MAP2: variants seen among roughly 807,000 people sequenced by gnomAD.
The protein encoded by MAP2 is microtubule-associated protein 2.
In MAP2, 14 loss-of-function variants were observed where a neutral mutation model predicts 137.6. The ratio of observed to expected loss-of-function variants is 0.10; its 90% CI spans 0.07 to 0.16. MAP2 has a LOEUF of 0.16. Ranked by LOEUF, MAP2 falls within the 10% of genes least tolerant of loss-of-function variation. The pLI is 1.00. For missense variants in MAP2, 2,088 were observed against 2,191.5 expected (o/e 0.95, Z 0.94); for synonymous variants, 786 against 782.3 (o/e 1.00, Z -0.08).
At chr2:209,433,584 AT>A (rs1011409971) in intron 1 of MAP2, among the ~76,000 whole-genome samples, 1 of 152,136 alleles carries the variant, frequency 6.6e-6, no homozygotes, top group Non-Finnish European at 1.5e-5. Context: ...TTAGAATCTC[AT>A]AAAAGCTTTC....
rs13385987 is a variant in MAP2 at position 209,448,419 on chromosome 2, A to G, written c.-222+24143A>G. 4.6e-3 allele frequency among the ~76,000 whole-genome samples: 705 copies of G among 152,206 alleles called. 3 individuals are homozygous for G. Among genetic ancestry groups the G allele is most frequent in the African/African-American group, 0.016 (667 of 41,530 alleles). On this transcript the variant is annotated intron_variant, in intron 1 of 15. Coordinates refer to ENST00000682079, the MANE Select transcript of MAP2 (RefSeq NM_001375505.1). ...TTCCCAAGGATTAACAGAACAACATACCTGGACTACATACTAGGACTAAAG... is the reference window on the plus strand; with the variant it reads ...TTCCCAAGGATTAACAGAACAACATGCCTGGACTACATACTAGGACTAAAG...
At chr2:209,702,133 A>T (rs1220099832) in intron 11 of MAP2, among the ~76,000 whole-genome samples, 14 of 151,992 alleles carry the variant, frequency 9.2e-5, no homozygotes, top group Non-Finnish European at 2.1e-4. Flanking sequence ...AATAAGTCTG[A>T]CCTTTCCTCC....
At chr2:209,487,310 A>G (rs1424463439) in intron 1 of MAP2, among the ~76,000 whole-genome samples, 4 of 152,212 alleles carry the variant, frequency 2.6e-5, no homozygotes, top group Non-Finnish European at 1.5e-5. Flanking sequence ...CTTTCAGGAA[A>G]TTAGAGCTTT....
intron 1 of MAP2, among the ~76,000 whole-genome samples, chr2:209,425,630 G>A (rs939784263): frequency 6.6e-6 from 1 of 152,190 alleles, no homozygotes; most frequent in African/African-American, 2.4e-5. Flanking sequence ...AACTGAAATT[G>A]AGGTTTGCAG....
At chr2:209,540,862 A>C (rs769225541) in intron 2 of MAP2, among the ~76,000 whole-genome samples, 6 of 150,550 alleles carry the variant, frequency 4.0e-5, no homozygotes, top group Non-Finnish European at 8.8e-5. Flanking sequence ...CCCTGGAGTT[A>C]CTGCAGGTTT....
Position 209,623,827 on chromosome 2 carries a change from C to T in MAP2, c.-106-1226C>T, listed in dbSNP as rs72997686. Reference sequence around the variant, plus strand: ...TTTTAAAATAGTTATCAAATTATTACAGGGAATGGAGAATTCTACCATGTT... The same window carrying T: ...TTTTAAAATAGTTATCAAATTATTATAGGGAATGGAGAATTCTACCATGTT... On this transcript the variant is annotated intron_variant, in intron 3 of 15. Transcript: ENST00000682079. Among the ~76,000 whole-genome samples, 470 of 152,202 alleles carry T rather than the reference C, an allele frequency of 3.1e-3. 1 individual carries two copies. The highest frequency in any genetic ancestry group is 4.7e-3 in the Non-Finnish European group (320 of 68,006).
At chr2:209,720,384 AT>A (rs2069865762) in intron 13 of MAP2, among the ~76,000 whole-genome samples, 1 of 152,144 alleles carries the variant, frequency 6.6e-6, no homozygotes, top group Admixed American at 6.5e-5. Flanking sequence ...CACGCCTGTA[AT>A]CCCAGCGCTT....
intron 2 of MAP2, among the ~76,000 whole-genome samples, chr2:209,535,991 T>C (rs2065892388): frequency 6.6e-6 from 1 of 152,206 alleles, no homozygotes. Flanking sequence ...ATGAATTTTA[T>C]ACTAAGAAAC....
intron 2 of MAP2, among the ~76,000 whole-genome samples, chr2:209,540,523 C>T (rs1195059333): frequency 7.1e-6 from 1 of 140,148 alleles, no homozygotes; most frequent in Non-Finnish European, 1.5e-5. Context: ...CCCAGCTACT[C>T]AGGAGGCTGA....
In MAP2 at chr2:209,694,539, T is replaced by G. The variant is rs770310088; in HGVS notation, c.2369T>G (p.Phe790Cys). The G allele has an allele frequency of 6.2e-7, 1 of 1,614,084 alleles. No homozygotes were observed. The highest frequency in any genetic ancestry group is 8.5e-7 in the Non-Finnish European group (1 of 1,179,982). The change falls in exon 8 of 16, where the codon TTC becomes TGC. Residue 790 changes from phenylalanine (F) to cysteine (C), a missense_variant. Phe to Cys is a radical substitution (Grantham distance 205, BLOSUM62 -2). Coordinates refer to ENST00000682079, the MANE Select transcript of MAP2 (RefSeq NM_001375505.1). ...TQAEISCESP[F>C]LAKDFYKNGT... The stretch of plus-strand genomic sequence containing the variant: ...GCGGAGATATCATGTGAGTCTCCTT[T>G]CCTAGCCAAAGATTTTTACAAAAAT...
At chr2:209,704,281 A>G (rs1208351883) in intron 11 of MAP2, among the ~76,000 whole-genome samples, 1 of 152,166 alleles carries the variant, frequency 6.6e-6, no homozygotes, top group Non-Finnish European at 1.5e-5. Context: ...GAACTGTGAA[A>G]ATCTCTTCTC....
chr2:209,462,134 A>G (rs1001964305), intron 1 of MAP2, among the ~76,000 whole-genome samples: 1 of 152,194 alleles, frequency 6.6e-6, no homozygotes, highest in African/African-American at 2.4e-5. Context: ...ATTCAATTCA[A>G]TTTTTGACAA....
At chr2:209,516,529 A>G (rs1411599497) in intron 2 of MAP2, among the ~76,000 whole-genome samples, 1 of 152,130 alleles carries the variant, frequency 6.6e-6, no homozygotes, top group Non-Finnish European at 1.5e-5. Flanking sequence ...AAACAACAGG[A>G]ATAAAAAAAG....
chr2:209,537,715 T>A (rs2066203696), intron 2 of MAP2, among the ~76,000 whole-genome samples: 1 of 152,178 alleles, frequency 6.6e-6, no homozygotes, highest in African/African-American at 2.4e-5. Context: ...GACATAGTCA[T>A]GGGGTGATTC....
intron 2 of MAP2, among the ~76,000 whole-genome samples, chr2:209,555,740 A>G (rs1021531686): frequency 1.3e-5 from 2 of 152,190 alleles, no homozygotes; most frequent in Non-Finnish European, 2.9e-5. Context: ...TCAGATTTGT[A>G]GTATCATTCA....
At chr2:209,537,090 A>G (rs1182040180) in intron 2 of MAP2, among the ~76,000 whole-genome samples, 1 of 152,056 alleles carries the variant, frequency 6.6e-6, no homozygotes, top group African/African-American at 2.4e-5. Flanking sequence ...TGCATGTTTT[A>G]GACATTGAAG....
intron 4 of MAP2, among the ~76,000 whole-genome samples, chr2:209,645,494 T>G (rs767697575): frequency 6.6e-6 from 1 of 152,156 alleles, no homozygotes; most frequent in Non-Finnish European, 1.5e-5. Flanking sequence ...ACAAATCAGA[T>G]TTTTCTGCTA....
chr2:209,687,252 T>G (rs1420466910), intron 7 of MAP2, among the ~76,000 whole-genome samples: 2 of 151,042 alleles, frequency 1.3e-5, no homozygotes, highest in African/African-American at 4.9e-5. Flanking sequence ...GACTGTTTTC[T>G]TCATAATCTT....
chr2:209,590,353 G>A (rs78083380), intron 3 of MAP2, among the ~76,000 whole-genome samples: 1 of 150,358 alleles, frequency 6.7e-6, no homozygotes, highest in African/African-American at 2.4e-5. Flanking sequence ...TTTTTTTTTT[G>A]AGATGAGATT....
Sources: gnomAD v4.1 joint callset for allele counts (sites outside exome capture counted in the v4.1 genomes callset) on GRCh38, gnomAD v4.1.1 for gene constraint, MANE v1.5 for transcripts, NCBI Gene and HGNC (gene_info 2026-07-23, HGNC 2026-07-21) for gene names.